TMTC2: variants seen among roughly 807,000 people sequenced by gnomAD.
TMTC2 encodes the protein protein O-mannosyl-transferase TMTC2.
TMTC2 carries 43 observed loss-of-function variants against 82.4 expected under a neutral mutation model. The observed-to-expected ratio is 0.52, with a 90% CI of 0.41 to 0.67. TMTC2 has a LOEUF of 0.67. Among genes scored for constraint, TMTC2 ranks in the 30% least tolerant of loss-of-function variants. TMTC2 has a pLI of 0.00. For synonymous variants in TMTC2, 408 were observed against 381.9 expected, an observed-to-expected ratio of 1.07 and a Z score of -0.80; for missense variants, 919 against 1,012.4, an observed-to-expected ratio of 0.91 and a Z score of 1.25.
chr12:82,992,404 A>G (rs1879440357), intron 8 of TMTC2, among the ~76,000 whole-genome samples: 2 of 152,194 alleles, frequency 1.3e-5, no homozygotes, highest in South Asian at 4.1e-4. Context: ...TTCAGAACAA[A>G]TGGTAATTTT....
chr12:82,731,614 G>A (rs1874813227), intron 1 of TMTC2, among the ~76,000 whole-genome samples: 1 of 152,184 alleles, frequency 6.6e-6, no homozygotes, highest in Admixed American at 6.6e-5. Flanking sequence ...TTTATTGAAA[G>A]TTTTAGACTA....
chr12:82,811,853 T>A, intron 1 of TMTC2, among the ~76,000 whole-genome samples: 1 of 142,526 alleles, frequency 7.0e-6, no homozygotes, highest in South Asian at 2.4e-4. Flanking sequence ...AGTCTCGCTC[T>A]GTCGCCCAGG....
intron 4 of TMTC2, among the ~76,000 whole-genome samples, chr12:82,956,526 T>C (rs1877625514): frequency 6.6e-6 from 1 of 152,172 alleles, no homozygotes; most frequent in Non-Finnish European, 1.5e-5. Context: ...CTCAGCTCAC[T>C]GCACCCTCCA....
intron 1 of TMTC2, among the ~76,000 whole-genome samples, chr12:82,819,705 G>C (rs1253893217): frequency 6.6e-6 from 1 of 151,808 alleles, no homozygotes; most frequent in Admixed American, 6.6e-5. Context: ...GTTTCACCAT[G>C]TTGGCCAGGC....
intron 3 of TMTC2, among the ~76,000 whole-genome samples, chr12:82,904,885 T>G (rs2137197736): frequency 6.6e-6 from 1 of 152,276 alleles, no homozygotes; most frequent in South Asian, 2.1e-4. Context: ...AAGCCACTGC[T>G]TGGTTTTGAC....
intron 8 of TMTC2, among the ~76,000 whole-genome samples, chr12:83,026,280 T>C (rs1421846296): frequency 6.6e-6 from 1 of 152,152 alleles, no homozygotes; most frequent in Non-Finnish European, 1.5e-5. Flanking sequence ...ATTCTCCTAG[T>C]ACCCCTATGG....
At chr12:82,958,985 A>G (rs1010099323) in intron 4 of TMTC2, among the ~76,000 whole-genome samples, 2 of 152,212 alleles carry the variant, frequency 1.3e-5, no homozygotes, top group East Asian at 1.9e-4. Flanking sequence ...AAGTTTCATG[A>G]TACAAAAATT....
At chr12:83,061,971 G>A in intron 11 of TMTC2, 140 bp downstream of exon 11, 1 of 623,762 alleles carries the variant, frequency 1.6e-6, no homozygotes, top group South Asian at 3.4e-5. Context: ...CTCTCTCTGA[G>A]CTCTTATTTT....
intron 3 of TMTC2, among the ~76,000 whole-genome samples, chr12:82,909,120 A>C (rs981887035): frequency 5.3e-5 from 8 of 152,056 alleles, no homozygotes; most frequent in African/African-American, 1.9e-4. Flanking sequence ...CCATCTTTTC[A>C]TTCTCTAAGT....
At chr12:83,048,254 T>A (rs1882216037) in intron 9 of TMTC2, among the ~76,000 whole-genome samples, 1 of 152,210 alleles carries the variant, frequency 6.6e-6, no homozygotes. Context: ...TATTTCATTA[T>A]GCCACAGATT....
chr12:82,942,883 C>T (rs968078542), intron 4 of TMTC2, among the ~76,000 whole-genome samples: 1 of 151,804 alleles, frequency 6.6e-6, no homozygotes, highest in African/African-American at 2.4e-5. Context: ...CTTTCTATTG[C>T]AGGTTTTATG....
chr12:82,966,896 AT>A (rs577959128), intron 6 of TMTC2, 22 bp from the exon 7 acceptor site: 315 of 1,538,598 alleles, frequency 2.0e-4, no homozygotes, highest in Non-Finnish European at 2.2e-4. Flanking sequence ...TGATTTATCT[AT>A]TTTTTTTGTT....
intron 11 of TMTC2, among the ~76,000 whole-genome samples, chr12:83,062,034 C>G (rs909770345): frequency 4.0e-5 from 6 of 151,720 alleles, no homozygotes; most frequent in African/African-American, 1.5e-4. Flanking sequence ...CCTCAAGCTT[C>G]TTTTTCTAGA....
At chr12:83,033,596 C>T (rs966383515) in intron 9 of TMTC2, among the ~76,000 whole-genome samples, 1 of 151,566 alleles carries the variant, frequency 6.6e-6, no homozygotes, top group Non-Finnish European at 1.5e-5. Flanking sequence ...ACTAAAAATA[C>T]AAAAATTAGC....
At chr12:83,025,191 A>G (rs1881107454) in intron 8 of TMTC2, among the ~76,000 whole-genome samples, 2 of 79,194 alleles carry the variant, frequency 2.5e-5, no homozygotes. Flanking sequence ...AGCTCTTGGA[A>G]CTCTGTCTCA....
chr12:82,963,824 T>TGTGTG (rs1565830323), intron 4 of TMTC2, among the ~76,000 whole-genome samples: 1 of 100,252 alleles, frequency 1.0e-5, no homozygotes, highest in Admixed American at 9.3e-5. Context: ...TATATATATA[T>TGTGTG]ATATATATAT....
chr12:82,911,214 TG>T (rs918181088), intron 3 of TMTC2, among the ~76,000 whole-genome samples: 7 of 151,982 alleles, frequency 4.6e-5, no homozygotes, highest in Non-Finnish European at 8.8e-5. Context: ...GGTTTGGGTG[TG>T]GGGGGGCCAG....
chr12:82,860,729 T>A (rs181076877), intron 2 of TMTC2, among the ~76,000 whole-genome samples: 17 of 152,348 alleles, frequency 1.1e-4, no homozygotes, highest in African/African-American at 3.6e-4. Context: ...CTCTGCCTTC[T>A]TAAGGTGAAC....
At chr12:82,999,674 C>T (rs1187670224) in intron 8 of TMTC2, among the ~76,000 whole-genome samples, 2 of 152,108 alleles carry the variant, frequency 1.3e-5, no homozygotes, top group African/African-American at 2.4e-5. Flanking sequence ...GTTTTTAAAA[C>T]CATCATATCT....
Sources: allele counts gnomAD v4.1 joint callset (sites outside exome capture counted in the v4.1 genomes callset), GRCh38; gene constraint gnomAD v4.1.1; transcripts MANE v1.5; gene names NCBI Gene and HGNC (gene_info 2026-07-23, HGNC 2026-07-21).